The following PRMT9 variants were observed in gnomAD, a reference collection of about 807,000 sequenced individuals.
The protein encoded by PRMT9 is protein arginine N-methyltransferase 9.
Under a neutral mutation model 83.2 loss-of-function variants are expected in PRMT9, and 59 were observed. The ratio of observed to expected loss-of-function variants is 0.71; its 90% CI spans 0.57 to 0.88. PRMT9 has a LOEUF of 0.88. PRMT9 is among the 40% of genes least tolerant of loss of function. The pLI, the probability that PRMT9 is intolerant of heterozygous loss-of-function variation, is 0.00. For synonymous variants in PRMT9, 333 were observed against 353.2 expected, an observed-to-expected ratio of 0.94 and a Z score of 0.64; for missense variants, 947 against 1,021.9, an observed-to-expected ratio of 0.93 and a Z score of 1.00.
intron 2 of PRMT9, among the ~76,000 whole-genome samples, chr4:147,676,437 T>C (rs988967003): frequency 7.2e-5 from 11 of 152,222 alleles, no homozygotes; most frequent in Non-Finnish European, 1.6e-4. Context: ...AAAAGATTTT[T>C]AAAAATATTT....
rs575758780 is a variant in PRMT9 at position 147,673,141 on chromosome 4, A to C, written c.576-15T>G. ...TAGCAAACATGCTACAAGGGAAAAA[A>C]GTTCTCCATCAAGAAAAAATAATCT... On this transcript the variant is annotated splice_polypyrimidine_tract_variant and intron_variant, in intron 3 of 11. Coordinates refer to ENST00000322396, the MANE Select transcript of PRMT9 (RefSeq NM_138364.4). The C allele has an allele frequency of 6.2e-7, 1 of 1,613,202 alleles. No individual in the cohort carries two copies. The highest frequency in any genetic ancestry group is 1.7e-5 in the Admixed American group (1 of 60,008).
In PRMT9 at chr4:147,673,641, A is replaced by G. The variant is rs747700633; in HGVS notation, c.572T>C (p.Leu191Pro). Residue 191 changes from leucine to proline, a missense_variant, in exon 3 of 12, where the codon CTA becomes CCA. Physicochemically the swap from Leu to Pro is moderately conservative, Grantham distance 98 (BLOSUM62 -3). Coordinates refer to ENST00000322396, the MANE Select transcript of PRMT9 (RefSeq NM_138364.4). ...TTAAAATGCAATTACTACCAACCTT[A>G]GTATTCCAGTTCCTGCTCCAATGTC... ...VLDIGAGTGI[L>P]SMFAKKAGAH... 6.3e-7 allele frequency: 1 copy of G among 1,579,014 alleles called. No individual in the cohort carries two copies. Among genetic ancestry groups the G allele is most frequent in the South Asian group, 1.1e-5 (1 of 90,286 alleles).
At chr4:147,678,020 ATTAAT>A (rs1422980351) in intron 2 of PRMT9, among the ~76,000 whole-genome samples, 1 of 152,154 alleles carries the variant, frequency 6.6e-6, no homozygotes, top group Non-Finnish European at 1.5e-5. Context: ...TGATTGCTCT[ATTAAT>A]TTAATGTCTT....
Position 147,642,817 on chromosome 4 carries a change from T to C in PRMT9, c.2169A>G (p.Leu723=), listed in dbSNP as rs762320204. 8 of 1,613,922 alleles carry C rather than the reference T, an allele frequency of 5.0e-6. No homozygotes were observed. In the African/African-American group the frequency reaches 1.1e-4, roughly 22 times the overall value. ...ACTGGTTAATAAAAGGTGCTATATT[T>C]AATCCAAGAGTACGTTCTGTTCCTT... ...AVQGTERTLG[L]NIAPFINQFQ... is the part of the protein sequence containing the mutation. Residue 723 remains leucine (L), a synonymous_variant, in exon 10 of 12, where the codon TTA becomes TTG. Coordinates refer to ENST00000322396, the MANE Select transcript of PRMT9 (RefSeq NM_138364.4).
At chr4:147,670,539 A>C in intron 5 of PRMT9, 102 bp downstream of exon 5, 1 of 925,876 alleles carries the variant, frequency 1.1e-6, no homozygotes, top group Non-Finnish European at 1.8e-6. Context: ...TTGGCAATGG[A>C]AAATATATTT....
intron 10 of PRMT9, 129 bp downstream of exon 10, chr4:147,642,658 C>G (rs1451159559): frequency 3.7e-6 from 3 of 820,838 alleles, no homozygotes; most frequent in Non-Finnish European, 6.2e-6. Context: ...AGGTAAAAAT[C>G]TAAGTCACTG....
intron 2 of PRMT9, among the ~76,000 whole-genome samples, chr4:147,678,281 G>A (rs1736230431): frequency 6.6e-6 from 1 of 152,152 alleles, no homozygotes; most frequent in Non-Finnish European, 1.5e-5. Context: ...AGCAATTAGT[G>A]AGGAAATGCA....
intron 7 of PRMT9, among the ~76,000 whole-genome samples, chr4:147,658,242 GA>G (rs1231618978): frequency 6.6e-6 from 1 of 151,800 alleles, no homozygotes; most frequent in Non-Finnish European, 1.5e-5. Flanking sequence ...TTGTTGAATT[GA>G]AAAGGTTAAG....
At position 147,638,766 on chromosome 4, in the gene PRMT9, T is replaced by C. The variant is rs1733178294; in HGVS notation, c.2323-19A>G. 6.4e-7 allele frequency: 1 copy of C among 1,569,506 alleles called. No homozygotes were observed. The highest frequency in any genetic ancestry group is 1.7e-5 in the Admixed American group (1 of 58,836). ...CGTATACCTATGAAAATAAAGAAAT[T>C]AGGAAAATATCAGAGTGCATAGAGT... On this transcript the variant is annotated intron_variant, in intron 11 of 11. Coordinates refer to ENST00000322396, the MANE Select transcript of PRMT9 (RefSeq NM_138364.4).
chr4:147,674,685 T>G (rs1488262788), intron 2 of PRMT9, among the ~76,000 whole-genome samples: 1 of 152,166 alleles, frequency 6.6e-6, no homozygotes, highest in Admixed American at 6.5e-5. Flanking sequence ...GTATTGCACA[T>G]GATTCATATG....
chr4:147,672,065 T>A (rs1735771446), intron 4 of PRMT9: 1 of 346,692 alleles, frequency 2.9e-6, no homozygotes, highest in Admixed American at 4.0e-5. Flanking sequence ...GGTATTTCGT[T>A]ATGGCAGCCC....
intron 9 of PRMT9, among the ~76,000 whole-genome samples, chr4:147,643,556 G>A (rs547094529): frequency 2.4e-4 from 36 of 152,294 alleles, no homozygotes; most frequent in South Asian, 6.2e-4. Context: ...AAACTAGTAG[G>A]TCAAAGTTTG....
chr4:147,669,068 A>G (rs994536077), intron 5 of PRMT9, among the ~76,000 whole-genome samples: 2 of 152,114 alleles, frequency 1.3e-5, no homozygotes, highest in Non-Finnish European at 2.9e-5. Flanking sequence ...CCTGGGCTAC[A>G]GAGCAAGACT....
At position 147,673,692 on chromosome 4, in the gene PRMT9, A is replaced by C; in HGVS notation, c.521T>G (p.Val174Gly). Reference protein sequence around the residue: ...TIYNAAIQKAVCLGSKSVLDI... With the variant: ...TIYNAAIQKAGCLGSKSVLDI... ...CAAAACACTTTTGGACCCCAAACAA[A>C]CTGCCTTTTGGATTGCTGCATTATA... The change falls in exon 3 of 12, where the codon GTT (valine) becomes GGT (glycine). Residue 174 changes from valine to glycine, a missense_variant. Transcript: ENST00000322396. 6.2e-7 allele frequency: 1 copy of C among 1,614,002 alleles called. No homozygotes were observed. The highest frequency in any genetic ancestry group is 8.5e-7 in the Non-Finnish European group (1 of 1,179,970).
In PRMT9 at chr4:147,683,840, G is replaced by A. The variant is rs1736672876; in HGVS notation, c.148C>T (p.Leu50Phe). 6.2e-7 allele frequency: 1 copy of A among 1,613,328 alleles called. No individual in the cohort carries two copies. The highest frequency in any genetic ancestry group is 2.2e-5 in the East Asian group (1 of 44,852). ...AGCTCCGGCGCCAGGCTGAGCACGAGGAGGTAGTGGGCATAGGCAGTGCCG... is the reference window on the plus strand; with the variant it reads ...AGCTCCGGCGCCAGGCTGAGCACGAAGAGGTAGTGGGCATAGGCAGTGCCG... Reference protein sequence around the residue: ...DFGTAYAHYLLVLSLAPELKH... With the variant: ...DFGTAYAHYLFVLSLAPELKH... The change falls in exon 1 of 12, where the codon CTC becomes TTC. Residue 50 changes from leucine to phenylalanine, a missense_variant. Transcript: ENST00000322396.
At chr4:147,668,774 G>GT (rs1026889075) in intron 5 of PRMT9, 129 bp from the exon 6 acceptor site, 780 of 662,018 alleles carry the variant, frequency 1.2e-3, no homozygotes, top group Middle Eastern at 1.8e-3. Flanking sequence ...TAAGTTAAAG[G>GT]TTTTTTTTTC....
rs1299613748 is a variant in PRMT9 at position 147,657,789 on chromosome 4, T to G, written c.1330+3A>C. 2.5e-6 allele frequency: 4 copies of G among 1,610,180 alleles called. No individual in the cohort carries two copies. Among genetic ancestry groups the G allele is most frequent in the African/African-American group, 1.3e-5 (1 of 74,278 alleles). ...GTTAAAAAAAAAAATGGACAAGACCTACCTGCAAGGTCCTGTACGGGGTAG... is the reference window on the plus strand; with the variant it reads ...GTTAAAAAAAAAAATGGACAAGACCGACCTGCAAGGTCCTGTACGGGGTAG... On this transcript the variant is annotated splice_donor_region_variant and intron_variant, in intron 8 of 11. Transcript: ENST00000322396.
chr4:147,673,279 T>C (rs1194973692), intron 3 of PRMT9, among the ~76,000 whole-genome samples, 153 bp from the exon 4 acceptor site: 1 of 152,226 alleles, frequency 6.6e-6, no homozygotes, highest in Non-Finnish European at 1.5e-5. Context: ...CTAATATTCT[T>C]GTCTAGAAAC....
chr4:147,645,197 TAA>T (rs1733652234), intron 9 of PRMT9, among the ~76,000 whole-genome samples: 1 of 152,196 alleles, frequency 6.6e-6, no homozygotes, highest in Admixed American at 6.5e-5. Flanking sequence ...AGCTAAGCTA[TAA>T]AACACCCCAT....
Sources: gnomAD v4.1 joint callset for allele counts (sites outside exome capture counted in the v4.1 genomes callset) on GRCh38, gnomAD v4.1.1 for gene constraint, MANE v1.5 for transcripts, NCBI Gene and HGNC (gene_info 2026-07-23, HGNC 2026-07-21) for gene names.